KISS1: variants seen among roughly 807,000 people sequenced by gnomAD.
KISS1 encodes metastasis-suppressor KiSS-1.
For synonymous variants in KISS1, 97 were observed against 88.7 expected, an observed-to-expected ratio of 1.09 and a Z score of -0.52; for missense variants, 182 against 182.7, an observed-to-expected ratio of 1.00 and a Z score of 0.02.
chr1:204,190,409 T>TGGGCGG lies in KISS1; in HGVS notation c.*74_*75insCCGCCC. 1.8e-6 allele frequency: 1 copy of TGGGCGG among 570,140 alleles called. No individual in the cohort carries two copies. The highest frequency in any genetic ancestry group is 3.1e-6 in the Non-Finnish European group (1 of 320,588). The allele number at this position is 570,140 out of a possible 1,614,324, so 35.3% of individuals were successfully genotyped here. On this transcript the variant is annotated 3_prime_UTR_variant, in exon 3 of 3. Coordinates refer to ENST00000367194, the MANE Select transcript of KISS1 (RefSeq NM_002256.4). Reference sequence around the variant, plus strand: ...CAGCGCCCCCTCCCTTAGCCCTACGTCCCCGCCCCCCGCCCCCGCCCCGCA... The same window carrying TGGGCGG: ...CAGCGCCCCCTCCCTTAGCCCTACGTGGGCGGCCCCGCCCCCCGCCCCCGCCCCGCA...
At position 204,192,592 on chromosome 1, in the gene KISS1, A is replaced by C. The variant is rs1361294533; in HGVS notation, c.103+182T>G. Among the ~76,000 whole-genome samples, 1 of 152,178 alleles carries C rather than the reference A, an allele frequency of 6.6e-6. No homozygotes were observed. Among genetic ancestry groups the C allele is most frequent in the Non-Finnish European group, 1.5e-5 (1 of 68,032 alleles). On this transcript the variant is annotated intron_variant, in intron 2 of 2. Coordinates refer to ENST00000367194, the MANE Select transcript of KISS1 (RefSeq NM_002256.4). The surrounding 1 kb of genome is among the most constrained non-coding windows in gnomAD (Gnocchi z 4.2). ...GGCGGACTGAGGCCATCACAGAGGC[A>C]AGGCATCCGTCACTTGCAGGGTTAA...
At position 204,192,692 on chromosome 1, in the gene KISS1, C is replaced by T. The variant is rs1036744541; in HGVS notation, c.103+82G>A. The stretch of plus-strand genomic sequence containing the variant: ...AATGCAATGTTAAACTCACACCAGT[C>T]GACTAGATGGAAAATACGGGAAAGC... On this transcript the variant is annotated intron_variant, in intron 2 of 2. Transcript: ENST00000367194. This position sits in a 1 kb window ranked among gnomAD's most constrained non-coding sequence, Gnocchi z 4.2. The T allele has an allele frequency of 3.2e-5, 27 of 836,588 alleles. No individual in the cohort carries two copies. Among genetic ancestry groups the T allele is most frequent in the Admixed American group, 8.0e-5 (4 of 49,970 alleles). The allele number at this position is 836,588 out of a possible 1,614,324, so 51.8% of individuals were successfully genotyped here.
In KISS1 at chr1:204,193,044, T is replaced by G; in HGVS notation, c.-38-130A>C. 4.4e-6 allele frequency: 3 copies of G among 678,358 alleles called. 1 individual carries two copies. The Admixed American group carries it at 6.2e-5, about 14-fold the overall frequency. The allele number at this position is 678,358 out of a possible 1,614,324, so 42.0% of individuals were successfully genotyped here. A position where few individuals can be genotyped will look rare whatever the true frequency, so the allele number is the denominator to read the frequency against. ...AGTTCTTGCCTTTGGAGGCTCCTGG[T>G]AGAGGGATGAGTCTAAACAAATATA... is the stretch of plus-strand genomic sequence containing the variant. On this transcript the variant is annotated intron_variant, in intron 1 of 2. Coordinates refer to ENST00000367194, the MANE Select transcript of KISS1 (RefSeq NM_002256.4).
intron 1 of KISS1, among the ~76,000 whole-genome samples, chr1:204,195,070 C>G (rs1234291302): frequency 2.6e-5 from 4 of 151,256 alleles, no homozygotes; most frequent in African/African-American, 9.8e-5. Flanking sequence ...CCCCCGAGTG[C>G]CTCCTTCCCA....
chr1:204,195,285 A>ATATAT (rs1658828370), intron 1 of KISS1, among the ~76,000 whole-genome samples: 2 of 106,978 alleles, frequency 1.9e-5, no homozygotes, highest in South Asian at 3.4e-4. Context: ...CACCACACAC[A>ATATAT]CCACACACAT....
Position 204,190,430 on chromosome 1 carries a change from C to CCCCCCCCCCCCCCTCT in KISS1, c.*53_*54insAGAGGGGGGGGGGGGG. 9.3e-7 allele frequency: 1 copy of CCCCCCCCCCCCCCTCT among 1,079,962 alleles called. No homozygotes were observed. Among genetic ancestry groups the CCCCCCCCCCCCCCTCT allele is most frequent in the Non-Finnish European group, 1.4e-6 (1 of 735,306 alleles). The allele number at this position is 1,079,962 out of a possible 1,614,324, so 66.9% of individuals were successfully genotyped here. ...TACGTCCCCGCCCCCCGCCCCCGCC[C>CCCCCCCCCCCCCCTCT]CGCATGCTCTGACTCCTTTGGGGTC... On this transcript the variant is annotated 3_prime_UTR_variant, in exon 3 of 3. Coordinates refer to ENST00000367194, the MANE Select transcript of KISS1 (RefSeq NM_002256.4).
chr1:204,190,785 TCTAG>T lies in KISS1; in HGVS notation c.112_115del (p.Leu38AsnfsTer26). On this transcript the variant is annotated frameshift_variant, in exon 3 of 3. Coordinates refer to ENST00000367194, the MANE Select transcript of KISS1 (RefSeq NM_002256.4). LOFTEE classifies it low-confidence loss of function (END_TRUNC). ...CCCGGGGGCCAGGAGGCCCAGGGAT[TCTAG>T]CTGCTGGCCTAGGACAGAGGGCACA... 6.2e-7 allele frequency: 1 copy of T among 1,611,418 alleles called. No homozygotes were observed. Among genetic ancestry groups the T allele is most frequent in the Non-Finnish European group, 8.5e-7 (1 of 1,179,502 alleles).
In KISS1 at chr1:204,192,392, G is replaced by GTTT. The variant is rs11428399; in HGVS notation, c.103+379_103+381dup. 1.0e-4 allele frequency among the ~76,000 whole-genome samples: 15 copies of GTTT among 146,368 alleles called. No individual in the cohort carries two copies. The highest frequency in any genetic ancestry group is 2.2e-4 in the South Asian group (1 of 4,628). On this transcript the variant is annotated intron_variant, in intron 2 of 2. Coordinates refer to ENST00000367194, the MANE Select transcript of KISS1 (RefSeq NM_002256.4). The surrounding 1 kb of genome is among the most constrained non-coding windows in gnomAD (Gnocchi z 4.2). ...ATCAAATATCTGCCCTTTGGTTTAG[G>GTTT]TTTTTTTTTTTTTCCAAATTCTCCA...
At chr1:204,193,332 G>A (rs1658780413) in intron 1 of KISS1, among the ~76,000 whole-genome samples, 1 of 152,040 alleles carries the variant, frequency 6.6e-6, no homozygotes, top group African/African-American at 2.4e-5. Context: ...GGGTGAAGTA[G>A]GGCAAGGACT....
Position 204,190,761 on chromosome 1 carries a change from C to G in KISS1, c.140G>C (p.Gly47Ala), listed in dbSNP as rs1658725652. ...QLESLGLLAPGEQSLPCTERK... is the reference protein window; with the variant it reads ...QLESLGLLAPAEQSLPCTERK... ...CTCGGTGCACGGCAGGCTCTGCTCC[C>G]CGGGGGCCAGGAGGCCCAGGGATTC... is the stretch of plus-strand genomic sequence containing the variant. The change falls in exon 3 of 3, where the codon GGG becomes GCG. Residue 47 changes from glycine to alanine, a missense_variant. Physicochemically the swap from Gly to Ala is moderately conservative, Grantham distance 60. Transcript: ENST00000367194. 1 of 1,611,654 alleles carries G rather than the reference C, an allele frequency of 6.2e-7. No homozygotes were observed. Among genetic ancestry groups the G allele is most frequent in the Non-Finnish European group, 8.5e-7 (1 of 1,179,622 alleles).
rs192636495 is a variant in KISS1, at chr1:204,190,573, G to T, written c.328C>A (p.Pro110Thr). ...CCGAAGGAGTTCCAGTTGTAGTTCG[G>T]CAGGTCCTTCTCCCGCTGCACCAGC... The part of the protein sequence containing the change: ...AVLVQREKDL[P>T]NYNWNSFGLR... Residue 110 changes from proline to threonine, a missense_variant, in exon 3 of 3, where the codon CCG becomes ACG. By Grantham distance (38) the Pro-to-Thr change is conservative (BLOSUM62 -1). Transcript: ENST00000367194. 2,259 of 1,605,126 alleles carry T rather than the reference G, an allele frequency of 1.4e-3. 52 individuals carry two copies. In the East Asian group the frequency reaches 0.036, roughly 26 times the overall value.
intron 2 of KISS1, among the ~76,000 whole-genome samples, chr1:204,191,300 C>A (rs1389200563): frequency 2.6e-5 from 4 of 152,148 alleles, no homozygotes; most frequent in Non-Finnish European, 4.4e-5. Flanking sequence ...GACATTGTGG[C>A]CCCACACACC....
chr1:204,196,177 T>C (rs1487655402), intron 1 of KISS1, among the ~76,000 whole-genome samples, 199 bp downstream of exon 1: 1 of 152,182 alleles, frequency 6.6e-6, no homozygotes, highest in African/African-American at 2.4e-5. Flanking sequence ...ACAAATAAAG[T>C]GCGACTCAGT....
chr1:204,193,052 T>G (rs1349573691), intron 1 of KISS1, 138 bp from the exon 2 acceptor site: 1 of 672,454 alleles, frequency 1.5e-6, no homozygotes, highest in East Asian at 2.8e-5. Flanking sequence ...GGTAGAGGGA[T>G]GAGTCTAAAC....
intron 1 of KISS1, among the ~76,000 whole-genome samples, chr1:204,195,127 C>G (rs996264220): frequency 6.6e-6 from 1 of 151,700 alleles, no homozygotes; most frequent in African/African-American, 2.4e-5. Flanking sequence ...CTCTGCCTGA[C>G]CCCAGCACAC....
intron 1 of KISS1, among the ~76,000 whole-genome samples, chr1:204,195,507 CCA>C (rs1265205450): frequency 6.7e-6 from 1 of 150,244 alleles, no homozygotes; most frequent in Non-Finnish European, 1.5e-5. Context: ...CACACATACA[CCA>C]CACATACCAC....
intron 1 of KISS1, among the ~76,000 whole-genome samples, chr1:204,194,605 C>G (rs1395852371): frequency 1.3e-5 from 2 of 152,156 alleles, no homozygotes; most frequent in Non-Finnish European, 2.9e-5. Context: ...ATCAGCAGAT[C>G]ATTTCAAAAT....
Position 204,192,651 on chromosome 1 carries a change from T to A in KISS1, c.103+123A>T, listed in dbSNP as rs558011406. On this transcript the variant is annotated intron_variant, in intron 2 of 2. Transcript: ENST00000367194. This position sits in a 1 kb window ranked among gnomAD's most constrained non-coding sequence, Gnocchi z 4.2. ...CCTCAATGAGTTGCATGTGTGCCAG[T>A]CTTAGATTTCCACCAAATGCAATGT... The A allele has an allele frequency of 2.8e-6, 2 of 715,688 alleles. No individual in the cohort carries two copies. The highest frequency in any genetic ancestry group is 1.5e-5 in the South Asian group (1 of 66,552). 44.3% of individuals were successfully genotyped at this position (715,688 alleles called of 1,614,324 possible). A position where few individuals can be genotyped will look rare whatever the true frequency, so the allele number is the denominator to read the frequency against.
Position 204,190,488 on chromosome 1 carries a change from C to G in KISS1, c.413G>C (p.Gly138Ala), listed in dbSNP as rs746156825. The change falls in exon 3 of 3, where the codon GGC (glycine) becomes GCC (alanine). Residue 138 changes from glycine (G) to alanine (A), a missense_variant. Coordinates refer to ENST00000367194, the MANE Select transcript of KISS1 (RefSeq NM_002256.4). ...PGNHGRSAGR[G>A] ...CACTGCCCCGCACCTGCGCCCTCAG[C>G]CCCGCCCAGCGCTTCTGCCGTGGTT... 1.9e-6 allele frequency: 3 copies of G among 1,603,816 alleles called. No homozygotes were observed. Among genetic ancestry groups the G allele is most frequent in the Non-Finnish European group, 2.5e-6 (3 of 1,176,970 alleles).
Sources: allele counts gnomAD v4.1 joint callset (sites outside exome capture counted in the v4.1 genomes callset), GRCh38; gene constraint gnomAD v4.1.1; non-coding constraint Gnocchi (gnomAD v3.1); transcripts MANE v1.5; gene names NCBI Gene and HGNC (gene_info 2026-07-23, HGNC 2026-07-21).